SEL1L2: variants seen among roughly 807,000 people sequenced by gnomAD.
SEL1L2 encodes the protein protein sel-1 homolog 2.
A neutral mutation model predicts 98.8 loss-of-function variants in SEL1L2; 89 were observed. The ratio of observed to expected loss-of-function variants is 0.90; its 90% CI spans 0.76 to 1.07. The LOEUF (loss-of-function observed/expected upper bound fraction) is 1.07. Among genes scored for constraint, SEL1L2 ranks in the 50% least tolerant of loss-of-function variants. SEL1L2 has a pLI of 0.00. For missense variants in SEL1L2, 788 were observed against 812.0 expected, an observed-to-expected ratio of 0.97 and a Z score of 0.36; for synonymous variants, 262 against 278.5, an observed-to-expected ratio of 0.94 and a Z score of 0.59.
intron 18 of SEL1L2, among the ~76,000 whole-genome samples, chr20:13,853,225 G>T (rs1988563671): frequency 6.6e-6 from 1 of 151,748 alleles, no homozygotes; most frequent in Admixed American, 6.6e-5. Context: ...TGAAAACAGG[G>T]TCTCACCATG....
chr20:13,930,434 A>C (rs536416934), intron 3 of SEL1L2, among the ~76,000 whole-genome samples: 8 of 152,192 alleles, frequency 5.3e-5, no homozygotes, highest in Non-Finnish European at 7.4e-5. Flanking sequence ...CCCCAGGGGG[A>C]ACTTTGTGGT....
intron 3 of SEL1L2, among the ~76,000 whole-genome samples, chr20:13,926,184 A>AGTG (rs1568982123): frequency 6.6e-6 from 1 of 152,164 alleles, no homozygotes; most frequent in Non-Finnish European, 1.5e-5. Flanking sequence ...GGCGTGGTGC[A>AGTG]GGCGCCCGTA....
intron 1 of SEL1L2, among the ~76,000 whole-genome samples, chr20:13,964,195 G>T (rs2050920472): frequency 1.3e-5 from 2 of 152,120 alleles, no homozygotes; most frequent in South Asian, 4.2e-4. Flanking sequence ...ATATTTAAAT[G>T]TCATCAATCA....
chr20:13,854,331 A>T (rs1988791844), intron 18 of SEL1L2, among the ~76,000 whole-genome samples: 1 of 152,160 alleles, frequency 6.6e-6, no homozygotes, highest in Non-Finnish European at 1.5e-5. Context: ...CAGCTTTCCT[A>T]TCCATTGTCT....
intron 3 of SEL1L2, among the ~76,000 whole-genome samples, chr20:13,919,919 C>G (rs1382660022): frequency 8.8e-6 from 1 of 113,440 alleles, no homozygotes; most frequent in East Asian, 2.8e-4. Context: ...AGCGAGACTC[C>G]GTCTCAAAAA....
chr20:13,895,067 AC>A (rs1387496294), intron 5 of SEL1L2, among the ~76,000 whole-genome samples: 1 of 152,158 alleles, frequency 6.6e-6, no homozygotes, highest in Non-Finnish European at 1.5e-5. Flanking sequence ...ATACTAGCAA[AC>A]TGAATTCATG....
chr20:13,920,335 C>T (rs1026739777), intron 3 of SEL1L2, among the ~76,000 whole-genome samples: 1 of 151,804 alleles, frequency 6.6e-6, no homozygotes. Context: ...TAACTTGCCT[C>T]GTAGGATGAG....
intron 5 of SEL1L2, among the ~76,000 whole-genome samples, chr20:13,897,814 A>C (rs1015509766): frequency 1.2e-4 from 18 of 152,182 alleles, no homozygotes; most frequent in African/African-American, 4.3e-4. Context: ...GAAGTGAGCC[A>C]AGATCGTGCC....
intron 1 of SEL1L2, among the ~76,000 whole-genome samples, chr20:13,975,350 T>G (rs1193054353): frequency 2.0e-5 from 3 of 152,176 alleles, no homozygotes; most frequent in African/African-American, 7.2e-5. Context: ...GAATTTTTAA[T>G]TTTTCATCTG....
rs2046958895 is a variant in SEL1L2 at position 13,886,416 on chromosome 20, C to T, written c.772G>A (p.Gly258Ser). The change falls in exon 9 of 20, where the codon GGT (glycine) becomes AGT (serine). Residue 258 changes from glycine to serine, a missense_variant. Transcript: ENST00000284951. ...AGTCTCACTTTTTCCACTGGAACACCTTCACTTTTTTCAAATGTGTCAGCA... is the reference window on the plus strand; with the variant it reads ...AGTCTCACTTTTTCCACTGGAACACTTTCACTTTTTTCAAATGTGTCAGCA... The part of the protein sequence containing the change: ...YIADTFEKSE[G>S]VPVEKVRLTE... 1 of 1,613,700 alleles carries T rather than the reference C, an allele frequency of 6.2e-7. No homozygotes were observed.
chr20:13,913,777 C>T lies in SEL1L2; in HGVS notation c.549+5G>A. The T allele has an allele frequency of 6.6e-7, 1 of 1,509,604 alleles. No homozygotes were observed. The highest frequency in any genetic ancestry group is 8.8e-7 in the Non-Finnish European group (1 of 1,139,514). The allele number at this position is 1,509,604 out of a possible 1,614,324, so 93.5% of individuals were successfully genotyped here. A position where few individuals can be genotyped will look rare whatever the true frequency, so the allele number is the denominator to read the frequency against. ...TTTAAGGTTTCATTTTCCTTCAAAA[C>T]TCACGTTTTGGGCTTTACATGATCC... On this transcript the variant is annotated splice_donor_5th_base_variant and intron_variant, in intron 5 of 19. Coordinates refer to ENST00000284951, the MANE Select transcript of SEL1L2 (RefSeq NM_025229.2).
At chr20:13,856,176 C>T (rs1039984099) in intron 18 of SEL1L2, among the ~76,000 whole-genome samples, 8 of 152,152 alleles carry the variant, frequency 5.3e-5, no homozygotes, top group Admixed American at 5.2e-4. Context: ...GGGAACCTCG[C>T]TCTGTCACCC....
intron 2 of SEL1L2, among the ~76,000 whole-genome samples, chr20:13,938,543 T>C (rs1431991466): frequency 6.6e-6 from 1 of 152,208 alleles, no homozygotes; most frequent in East Asian, 1.9e-4. Context: ...GAGTACATGT[T>C]AACATATAAA....
chr20:13,985,751 C>G (rs1255270832), intron 1 of SEL1L2, among the ~76,000 whole-genome samples: 7 of 152,178 alleles, frequency 4.6e-5, no homozygotes, highest in Non-Finnish European at 1.0e-4. Flanking sequence ...CCCACAATCA[C>G]AGAACATTTT....
intron 2 of SEL1L2, among the ~76,000 whole-genome samples, chr20:13,937,565 G>A (rs567330103): frequency 6.6e-6 from 1 of 152,156 alleles, no homozygotes; most frequent in Admixed American, 6.5e-5. Flanking sequence ...CCTTCAATGT[G>A]TCCATGTGCC....
rs562062043 is a variant in SEL1L2, at chr20:13,851,712, G to A, written c.1819-1393C>T. Among the ~76,000 whole-genome samples the A allele has an allele frequency of 2.0e-5, 3 of 152,144 alleles. No individual in the cohort carries two copies. The South Asian group carries it at 6.2e-4, about 32-fold the overall frequency. On this transcript the variant is annotated intron_variant, in intron 18 of 19. Coordinates refer to ENST00000284951, the MANE Select transcript of SEL1L2 (RefSeq NM_025229.2). ...CAGTCCCAGAATTAGATTTTGCTTG[G>A]GTGCCCATGGGCTATTTTCAAAAGA...
At chr20:13,892,091 T>C (rs1483292989) in intron 5 of SEL1L2, among the ~76,000 whole-genome samples, 3 of 152,178 alleles carry the variant, frequency 2.0e-5, no homozygotes, top group African/African-American at 7.2e-5. Flanking sequence ...GTGGTGGGGA[T>C]ATATAAATGA....
chr20:13,850,406 G>A (rs1247898917), intron 18 of SEL1L2, 87 bp from the exon 19 acceptor site: 6 of 1,438,150 alleles, frequency 4.2e-6, no homozygotes, highest in Middle Eastern at 1.8e-4. Context: ...ATGTAATTAA[G>A]GTTACAGGTC....
chr20:13,929,978 AC>A (rs2049071044), intron 3 of SEL1L2, among the ~76,000 whole-genome samples: 1 of 152,122 alleles, frequency 6.6e-6, no homozygotes, highest in East Asian at 1.9e-4. Context: ...TTTGGTAGAG[AC>A]AAGGTTTCAC....
Sources: gnomAD v4.1 joint callset for allele counts (sites outside exome capture counted in the v4.1 genomes callset) on GRCh38, gnomAD v4.1.1 for gene constraint, MANE v1.5 for transcripts, NCBI Gene and HGNC (gene_info 2026-07-23, HGNC 2026-07-21) for gene names.